Variants in TAOK3 observed in about 807,000 individuals in gnomAD.
TAOK3 encodes serine/threonine-protein kinase TAO3.
A neutral mutation model predicts 120.4 loss-of-function variants in TAOK3; 40 were observed. The observed-to-expected ratio is 0.33, with a 90% CI of 0.26 to 0.43. The LOEUF is 0.43. Ranked by LOEUF, TAOK3 falls within the 20% of genes least tolerant of loss-of-function variation. TAOK3 has a pLI of 1.00. For synonymous variants in TAOK3, 355 were observed against 387.5 expected (o/e 0.92, Z 0.99); for missense variants, 821 against 1,112.1 (o/e 0.74, Z 3.72).
chr12:118,242,342 T>C (rs2040290908), intron 5 of TAOK3, among the ~76,000 whole-genome samples: 1 of 152,172 alleles, frequency 6.6e-6, no homozygotes, highest in Non-Finnish European at 1.5e-5. Context: ...TGAACAGAAA[T>C]ATGTATGTTT....
At chr12:118,157,648 A>G (rs911956587) in intron 19 of TAOK3, among the ~76,000 whole-genome samples, 7 of 152,194 alleles carry the variant, frequency 4.6e-5, no homozygotes, top group Admixed American at 2.6e-4. Flanking sequence ...TTGCTCTGAC[A>G]TTACACGGAG....
At chr12:118,234,603 C>G (rs1477306268) in intron 8 of TAOK3, among the ~76,000 whole-genome samples, 1 of 151,520 alleles carries the variant, frequency 6.6e-6, no homozygotes, top group East Asian at 2.0e-4. Flanking sequence ...GGTGCAGTGG[C>G]GCCATCTTGG....
intron 1 of TAOK3, among the ~76,000 whole-genome samples, chr12:118,303,231 T>A (rs2140732436): frequency 6.6e-6 from 1 of 152,304 alleles, no homozygotes; most frequent in South Asian, 2.1e-4. Context: ...CCCCATTCCT[T>A]ATCCTCCTCC....
At chr12:118,265,319 G>A (rs989537712) in intron 2 of TAOK3, among the ~76,000 whole-genome samples, 2 of 151,154 alleles carry the variant, frequency 1.3e-5, no homozygotes, top group Admixed American at 6.6e-5. Flanking sequence ...AACCCAGGAG[G>A]TGGAGGTTGT....
intron 14 of TAOK3, among the ~76,000 whole-genome samples, chr12:118,187,775 G>C (rs1272378393): frequency 6.6e-6 from 1 of 152,166 alleles, no homozygotes; most frequent in Non-Finnish European, 1.5e-5. Flanking sequence ...CTTAATATAG[G>C]AGCAGGGGCC....
chr12:118,220,961 CTG>C (rs1207864413), intron 9 of TAOK3, among the ~76,000 whole-genome samples: 1 of 152,220 alleles, frequency 6.6e-6, no homozygotes, highest in Non-Finnish European at 1.5e-5. Context: ...AGGCTCACTG[CTG>C]AGCCAGAATA....
In TAOK3 at chr12:118,150,175, A is replaced by G. The variant is rs2034290752; in HGVS notation, c.*822T>C. ...AAAATACAATATGAAAATAAGTAAT[A>G]CCTCTCCTTAAATTCCTTCTATACA... On this transcript the variant is annotated 3_prime_UTR_variant, in exon 21 of 21. Transcript: ENST00000392533. 1 of 152,534 alleles carries G rather than the reference A, an allele frequency of 6.6e-6. No homozygotes were observed. 9.4% of individuals were successfully genotyped at this position (152,534 alleles called of 1,614,324 possible). A position where few individuals can be genotyped will look rare whatever the true frequency, so the allele number is the denominator to read the frequency against.
chr12:118,157,796 T>C (rs1054056891), intron 19 of TAOK3, among the ~76,000 whole-genome samples: 1 of 152,224 alleles, frequency 6.6e-6, no homozygotes, highest in Non-Finnish European at 1.5e-5. Context: ...GCTGGATGGA[T>C]GAATAGATGA....
At chr12:118,307,230 C>A (rs756911117) in intron 1 of TAOK3, among the ~76,000 whole-genome samples, 31 of 152,152 alleles carry the variant, frequency 2.0e-4, no homozygotes, top group East Asian at 3.9e-4. Flanking sequence ...CTTCCCCCCC[C>A]CATCTCTGGA....
intron 1 of TAOK3, among the ~76,000 whole-genome samples, chr12:118,329,283 T>A (rs1315660238): frequency 6.6e-6 from 1 of 152,158 alleles, no homozygotes. Context: ...CCCATTCTAC[T>A]AGGAATAGTG....
intron 14 of TAOK3, among the ~76,000 whole-genome samples, chr12:118,187,183 T>G (rs1369955245): frequency 1.3e-5 from 2 of 152,218 alleles, no homozygotes; most frequent in Admixed American, 1.3e-4. Context: ...TTGTGACTTG[T>G]TAGCGCCTCT....
At chr12:118,203,748 G>C (rs927202348) in intron 11 of TAOK3, among the ~76,000 whole-genome samples, 5 of 151,854 alleles carry the variant, frequency 3.3e-5, no homozygotes, top group African/African-American at 9.7e-5. Flanking sequence ...TTGAGGACTG[G>C]GAAAGGTAGG....
At chr12:118,228,710 C>T (rs1403475599) in intron 9 of TAOK3, among the ~76,000 whole-genome samples, 3 of 152,166 alleles carry the variant, frequency 2.0e-5, no homozygotes, top group Admixed American at 1.3e-4. Context: ...CAGTTGCACC[C>T]TTGTACACAT....
chr12:118,246,694 T>A (rs2040527002), intron 3 of TAOK3: 2 of 1,583,234 alleles, frequency 1.3e-6, no homozygotes, highest in Non-Finnish European at 1.7e-6. Context: ...GGCACTGGCA[T>A]CGTCTCCGCA....
At position 118,177,066 on chromosome 12, in the gene TAOK3, A is replaced by G. The variant is rs2036388541; in HGVS notation, c.1695+135T>C. On this transcript the variant is annotated intron_variant, in intron 16 of 20. Transcript: ENST00000392533. ...ACAGGTGTGAGTCACTGTGCCCGGA[A>G]AGCATTTTAGGGTATTCTAATGTAA... 4 of 950,316 alleles carry G rather than the reference A, an allele frequency of 4.2e-6. No homozygotes were observed. In the South Asian group the frequency reaches 6.7e-5, roughly 16 times the overall value. 58.9% of individuals were successfully genotyped at this position (950,316 alleles called of 1,614,324 possible). A position where few individuals can be genotyped will look rare whatever the true frequency, so the allele number is the denominator to read the frequency against.
chr12:118,188,751 A>G (rs147522616), intron 14 of TAOK3, among the ~76,000 whole-genome samples: 1 of 152,368 alleles, frequency 6.6e-6, no homozygotes, highest in East Asian at 1.9e-4. Context: ...TGATGTCATC[A>G]TAGGTTCTAA....
At chr12:118,223,307 C>T (rs2039338649) in intron 9 of TAOK3, among the ~76,000 whole-genome samples, 1 of 151,450 alleles carries the variant, frequency 6.6e-6, no homozygotes, top group South Asian at 2.1e-4. Flanking sequence ...GATCCGCCCG[C>T]CTCGGCCTCC....
intron 17 of TAOK3, among the ~76,000 whole-genome samples, chr12:118,170,250 T>G (rs903851649): frequency 1.2e-4 from 18 of 152,192 alleles, no homozygotes; most frequent in African/African-American, 4.1e-4. Context: ...CACTGAAATA[T>G]TAATACCACA....
At chr12:118,217,140 T>C (rs1032840641) in intron 9 of TAOK3, among the ~76,000 whole-genome samples, 23 of 152,080 alleles carry the variant, frequency 1.5e-4, no homozygotes, top group Admixed American at 4.6e-4. Flanking sequence ...GCTTATTCTA[T>C]GCAGTTCAAA....
Sources: gnomAD v4.1 joint callset for allele counts (sites outside exome capture counted in the v4.1 genomes callset) on GRCh38, gnomAD v4.1.1 for gene constraint, MANE v1.5 for transcripts, NCBI Gene and HGNC (gene_info 2026-07-23, HGNC 2026-07-21) for gene names.